Variants in DIP2C observed in about 807,000 individuals in gnomAD.
DIP2C encodes the protein disco-interacting protein 2 homolog C.
A neutral mutation model predicts 192.4 loss-of-function variants in DIP2C; 33 were observed. That is an observed-to-expected ratio of 0.17 (90% CI 0.13 to 0.23). The LOEUF (loss-of-function observed/expected upper bound fraction) is 0.23. DIP2C is among the 10% of genes least tolerant of loss of function. The pLI is 1.00. For synonymous variants in DIP2C, 979 were observed against 864.1 expected, an observed-to-expected ratio of 1.13 and a Z score of -2.33; for missense variants, 1,537 against 2,110.1, an observed-to-expected ratio of 0.73 and a Z score of 5.32.
intron 30 of DIP2C, 49 bp from the exon 31 acceptor site, chr10:327,225 G>A: frequency 3.8e-6 from 6 of 1,579,364 alleles, no homozygotes; most frequent in Non-Finnish European, 5.2e-6. Context: ...TGTCGAGCTT[G>A]GAGTGAGCCA....
chr10:333,322 T>A (rs1957585667), intron 29 of DIP2C, among the ~76,000 whole-genome samples: 1 of 152,238 alleles, frequency 6.6e-6, no homozygotes, highest in Admixed American at 6.5e-5. Flanking sequence ...TGGTCACTAC[T>A]CTAGAACATT....
intron 28 of DIP2C, among the ~76,000 whole-genome samples, chr10:342,447 C>T (rs529980032): frequency 1.3e-5 from 2 of 152,154 alleles, no homozygotes; most frequent in South Asian, 2.1e-4. Context: ...CACGAGACAC[C>T]GCGCCTGGCC....
intron 31 of DIP2C, among the ~76,000 whole-genome samples, chr10:319,159 C>T (rs537603285): frequency 8.5e-5 from 13 of 152,226 alleles, no homozygotes; most frequent in African/African-American, 2.9e-4. Flanking sequence ...ATAATCCACC[C>T]GCCTCAGCCT....
At chr10:438,638 ACAC>A (rs1967470875) in intron 4 of DIP2C, among the ~76,000 whole-genome samples, 1 of 151,768 alleles carries the variant, frequency 6.6e-6, no homozygotes, top group South Asian at 2.1e-4. Context: ...CTATGCGCAC[ACAC>A]CACCATGCCT....
At chr10:581,116 G>A (rs1053263627) in intron 1 of DIP2C, among the ~76,000 whole-genome samples, 5 of 152,158 alleles carry the variant, frequency 3.3e-5, no homozygotes, top group Non-Finnish European at 7.3e-5. Flanking sequence ...CTGGCAGAAT[G>A]CAATCCAACA....
chr10:579,421 T>C (rs889499797), intron 1 of DIP2C, among the ~76,000 whole-genome samples: 2 of 151,906 alleles, frequency 1.3e-5, no homozygotes, highest in African/African-American at 4.8e-5. Context: ...ATAGCGTATG[T>C]ACATAGGTAC....
intron 10 of DIP2C, among the ~76,000 whole-genome samples, chr10:396,486 T>C (rs570997378): frequency 6.6e-6 from 1 of 152,286 alleles, no homozygotes; most frequent in South Asian, 2.1e-4. Context: ...CAATGATAAA[T>C]GTTTTGTGTC....
chr10:623,257 G>A (rs976629059), intron 1 of DIP2C, among the ~76,000 whole-genome samples: 5 of 151,248 alleles, frequency 3.3e-5, no homozygotes, highest in South Asian at 2.1e-4. Context: ...TCACAGGAAC[G>A]GGCGCAGGCA....
intron 17 of DIP2C, among the ~76,000 whole-genome samples, chr10:373,766 T>C (rs1278631338): frequency 1.3e-5 from 2 of 152,118 alleles, no homozygotes; most frequent in Non-Finnish European, 2.9e-5. Context: ...CTGCTCTCCA[T>C]TATCTCAAGC....
At chr10:678,156 A>C (rs1830938142) in intron 1 of DIP2C, among the ~76,000 whole-genome samples, 1 of 152,162 alleles carries the variant, frequency 6.6e-6, no homozygotes, top group Non-Finnish European at 1.5e-5. Flanking sequence ...ACATTTGGGG[A>C]GTCCCTACAG....
intron 31 of DIP2C, among the ~76,000 whole-genome samples, chr10:320,457 G>A (rs955537214): frequency 3.4e-5 from 5 of 148,992 alleles, no homozygotes; most frequent in Admixed American, 1.3e-4. Context: ...GCAGTGAGCC[G>A]AGATCATGCC....
At chr10:341,479 G>A (rs556615529) in intron 28 of DIP2C, 150 bp from the exon 29 acceptor site, 77 of 1,207,810 alleles carry the variant, frequency 6.4e-5, no homozygotes, top group African/African-American at 5.8e-4. Context: ...TGCACTGAAC[G>A]CAAGGCTGTT....
chr10:519,920 G>A (rs941860210), intron 1 of DIP2C, among the ~76,000 whole-genome samples: 5 of 152,192 alleles, frequency 3.3e-5, no homozygotes, highest in African/African-American at 9.7e-5. Context: ...CCACTGAGAC[G>A]TGGGCCTTTG....
chr10:467,083 C>T (rs1323811170), intron 3 of DIP2C, among the ~76,000 whole-genome samples: 3 of 151,856 alleles, frequency 2.0e-5, no homozygotes, highest in South Asian at 2.1e-4. Flanking sequence ...CACATGCACA[C>T]GTATGTTTAT....
chr10:468,093 C>T (rs1164054921), intron 3 of DIP2C, among the ~76,000 whole-genome samples: 2 of 152,060 alleles, frequency 1.3e-5, no homozygotes, highest in Non-Finnish European at 2.9e-5. Context: ...CCAGTCTTCG[C>T]GGTCGGTTCA....
chr10:447,570 C>T (rs1233415868), intron 3 of DIP2C, among the ~76,000 whole-genome samples: 12 of 143,966 alleles, frequency 8.3e-5, no homozygotes, highest in Admixed American at 2.8e-4. Flanking sequence ...CCCACTCACC[C>T]GTCGATAATC....
intron 10 of DIP2C, 143 bp downstream of exon 10, chr10:398,966 C>A: frequency 1.5e-6 from 1 of 671,134 alleles, no homozygotes; most frequent in Non-Finnish European, 2.6e-6. Flanking sequence ...GCAGGGCCCA[C>A]TAGCGACCGC....
chr10:604,460 G>C (rs1000598196), intron 1 of DIP2C, among the ~76,000 whole-genome samples: 1 of 152,210 alleles, frequency 6.6e-6, no homozygotes, highest in African/African-American at 2.4e-5. Context: ...CTGAGTCGGA[G>C]AGGCCAAGCA....
rs767127595 is a variant in DIP2C, at chr10:579,874, AAC to A, written c.86-93346_86-93345del. 7.0e-4 allele frequency among the ~76,000 whole-genome samples: 106 copies of A among 152,072 alleles called. 2 individuals are homozygous for A. The highest frequency in any genetic ancestry group is 5.0e-3 in the South Asian group (24 of 4,826). ...CAGTGTACATGCATATGTACACTAT[AAC>A]ACATGTACATGCATCTAGCACACAA... On this transcript the variant is annotated intron_variant, in intron 1 of 36. Coordinates refer to ENST00000280886, the MANE Select transcript of DIP2C (RefSeq NM_014974.3).
Sources: allele counts gnomAD v4.1 joint callset (sites outside exome capture counted in the v4.1 genomes callset), GRCh38; gene constraint gnomAD v4.1.1; transcripts MANE v1.5; gene names NCBI Gene and HGNC (gene_info 2026-07-23, HGNC 2026-07-21).